The following PDE11A variants were observed in gnomAD, a reference collection of about 807,000 sequenced individuals.
The protein encoded by PDE11A is phosphodiesterase 11A.
PDE11A carries 100 observed loss-of-function variants against 100.5 expected under a neutral mutation model. The ratio of observed to expected loss-of-function variants is 1.00; its 90% confidence interval spans 0.85 to 1.18. PDE11A has a LOEUF of 1.18. Ranked by LOEUF, PDE11A falls within the 50% of genes most tolerant of loss-of-function variation. PDE11A has a pLI of 0.00. For missense variants in PDE11A, 1,141 were observed against 1,152.6 expected, an observed-to-expected ratio of 0.99 and a Z score of 0.15; for synonymous variants, 381 against 420.8, an observed-to-expected ratio of 0.91 and a Z score of 1.16.
chr2:177,773,339 C>T (rs771838797), intron 9 of PDE11A, among the ~76,000 whole-genome samples: 3 of 152,140 alleles, frequency 2.0e-5, no homozygotes, highest in East Asian at 1.9e-4. Flanking sequence ...TTACTGCCCC[C>T]GAGTTGTGAA....
intron 2 of PDE11A, among the ~76,000 whole-genome samples, chr2:177,917,508 C>G (rs2084971146): frequency 6.6e-6 from 1 of 152,184 alleles, no homozygotes; most frequent in Admixed American, 6.5e-5. Context: ...GCTCCATTGT[C>G]TTAACTTTTT....
chr2:178,100,937 T>C (rs1052999777), intron 2 of PDE11A, among the ~76,000 whole-genome samples: 4 of 152,182 alleles, frequency 2.6e-5, no homozygotes, highest in African/African-American at 9.7e-5. Flanking sequence ...AATGACTCTA[T>C]AGAGAAATAC....
chr2:178,054,042 C>T (rs982592810), intron 1 of PDE11A, among the ~76,000 whole-genome samples: 1 of 152,100 alleles, frequency 6.6e-6, no homozygotes, highest in Non-Finnish European at 1.5e-5. Context: ...AAAAAGAGCC[C>T]GCATCGCCAA....
rs556555976 is a variant in PDE11A at position 177,755,228 on chromosome 2, A to G, written c.1788+14095T>C. Among the ~76,000 whole-genome samples the G allele has an allele frequency of 1.7e-4, 26 of 152,346 alleles. No individual in the cohort carries two copies. The South Asian group carries it at 5.2e-3, about 30-fold the overall frequency. On this transcript the variant is annotated intron_variant, in intron 10 of 19. Coordinates refer to ENST00000286063, the MANE Select transcript of PDE11A (RefSeq NM_016953.4). Reference sequence around the variant, plus strand: ...GTTTGAGAGCCAAATCAGGGTGAGCATCAGTGGGGTCACCCCTGATTCTAC... The same window carrying G: ...GTTTGAGAGCCAAATCAGGGTGAGCGTCAGTGGGGTCACCCCTGATTCTAC...
intron 1 of PDE11A, among the ~76,000 whole-genome samples, chr2:178,037,945 G>A (rs1245633918): frequency 6.6e-6 from 1 of 151,866 alleles, no homozygotes; most frequent in Non-Finnish European, 1.5e-5. Flanking sequence ...GCTAGATGAC[G>A]GGTTGATAGG....
At chr2:177,814,298 T>G (rs2083001892) in intron 9 of PDE11A, among the ~76,000 whole-genome samples, 1 of 148,946 alleles carries the variant, frequency 6.7e-6, no homozygotes, top group African/African-American at 2.5e-5. Context: ...TATTCAGAAG[T>G]TGATGTATAT....
chr2:177,982,647 C>T (rs1355487382), intron 2 of PDE11A, among the ~76,000 whole-genome samples: 1 of 150,446 alleles, frequency 6.6e-6, no homozygotes, highest in African/African-American at 2.4e-5. Flanking sequence ...TGAGGAGGAA[C>T]AGATTAAATA....
intron 10 of PDE11A, among the ~76,000 whole-genome samples, chr2:177,765,632 C>T (rs1261679848): frequency 3.3e-5 from 5 of 152,186 alleles, no homozygotes; most frequent in African/African-American, 7.2e-5. Flanking sequence ...CCCATTCTAT[C>T]GGGAGCATTT....
At chr2:177,928,929 A>G (rs2085168586) in intron 2 of PDE11A, among the ~76,000 whole-genome samples, 1 of 152,170 alleles carries the variant, frequency 6.6e-6, no homozygotes, top group African/African-American at 2.4e-5. Context: ...GGTTTTCAAT[A>G]TTTATGTTCC....
chr2:178,008,849 T>C (rs2086242960), intron 2 of PDE11A, among the ~76,000 whole-genome samples: 1 of 152,102 alleles, frequency 6.6e-6, no homozygotes, highest in Non-Finnish European at 1.5e-5. Context: ...GCGGAACATG[T>C]CGGCATGAAG....
At chr2:177,826,386 G>A (rs999347446) in intron 6 of PDE11A, among the ~76,000 whole-genome samples, 6 of 152,116 alleles carry the variant, frequency 3.9e-5, no homozygotes, top group South Asian at 4.1e-4. Flanking sequence ...AGAAAGATAC[G>A]TACAACTTTA....
At chr2:177,882,064 G>A (rs973444817) in intron 4 of PDE11A, among the ~76,000 whole-genome samples, 8 of 152,116 alleles carry the variant, frequency 5.3e-5, no homozygotes, top group Non-Finnish European at 1.2e-4. Flanking sequence ...TAAGTGGTAA[G>A]AGATATACTC....
intron 2 of PDE11A, among the ~76,000 whole-genome samples, chr2:177,907,200 G>A (rs1247417111): frequency 4.0e-5 from 6 of 151,856 alleles, no homozygotes; most frequent in Admixed American, 3.9e-4. Flanking sequence ...TTACAGTTTT[G>A]CTGTGTGAAG....
chr2:177,995,646 A>ACAC (rs2086062509), intron 2 of PDE11A, among the ~76,000 whole-genome samples: 1 of 147,704 alleles, frequency 6.8e-6, no homozygotes. Context: ...CACAAACACC[A>ACAC]CCCACCCCGC....
upstream of PDE11A, among the ~76,000 whole-genome samples, chr2:178,076,248 A>G (rs960176309): frequency 3.3e-5 from 5 of 152,214 alleles, no homozygotes; most frequent in African/African-American, 1.2e-4. Context: ...CTCTCATTAA[A>G]GAAGATAAAG....
intron 2 of PDE11A, among the ~76,000 whole-genome samples, chr2:177,914,671 T>G (rs957415543): frequency 5.3e-5 from 8 of 152,156 alleles, no homozygotes; most frequent in Non-Finnish European, 7.4e-5. Flanking sequence ...TTAGTCAAGG[T>G]GTCAAGGTAT....
intron 2 of PDE11A, chr2:177,997,604 G>T: frequency 9.5e-7 from 1 of 1,052,852 alleles, no homozygotes; most frequent in Non-Finnish European, 1.5e-6. Flanking sequence ...AAGTGAAGTT[G>T]TCTGATATAA....
At chr2:178,001,865 CT>C (rs2086149347) in intron 2 of PDE11A, among the ~76,000 whole-genome samples, 1 of 152,102 alleles carries the variant, frequency 6.6e-6, no homozygotes. Flanking sequence ...AAATAAACAT[CT>C]TTATGTGTGG....
intron 2 of PDE11A, among the ~76,000 whole-genome samples, chr2:178,097,535 C>T (rs1422686874): frequency 6.6e-6 from 1 of 152,172 alleles, no homozygotes; most frequent in Non-Finnish European, 1.5e-5. Context: ...AATCACCTCC[C>T]ACCCGGTCCC....
Sources: gnomAD v4.1 joint callset for allele counts (sites outside exome capture counted in the v4.1 genomes callset) on GRCh38, gnomAD v4.1.1 for gene constraint, MANE v1.5 for transcripts, NCBI Gene and HGNC (gene_info 2026-07-23, HGNC 2026-07-21) for gene names.